The following LRRC53 variants were observed in gnomAD, a reference collection of about 807,000 sequenced individuals.
LRRC53 encodes the protein leucine-rich repeat-containing protein 53.
In LRRC53, 25 loss-of-function variants were observed where a neutral mutation model predicts 13.6. The ratio of observed to expected loss-of-function variants is 1.83; its 90% CI spans 1.34 to 2.56. LRRC53 has a LOEUF of 2.56. LRRC53 is among the 30% of genes most tolerant of loss of function. The pLI is 0.00. For missense variants in LRRC53, 527 were observed against 275.8 expected (o/e 1.91, Z -6.45); for synonymous variants, 204 against 109.8 (o/e 1.86, Z -5.37).
chr1:74,492,986 T>A (rs568051309), intron 1 of LRRC53, among the ~76,000 whole-genome samples: 1 of 152,268 alleles, frequency 6.6e-6, no homozygotes, highest in South Asian at 2.1e-4. Flanking sequence ...AGCTCTAGTG[T>A]CCCTTTATCT....
At chr1:74,526,074 A>G in the LRRC53 span, among the ~76,000 whole-genome samples, 1 of 152,230 alleles carries the variant, frequency 6.6e-6, no homozygotes, top group South Asian at 2.1e-4. Context: ...CAGTGCTTGT[A>G]ATTTTGTAAC....
intron 1 of LRRC53, among the ~76,000 whole-genome samples, chr1:74,505,806 C>G (rs1382540855): frequency 1.7e-4 from 26 of 152,170 alleles, no homozygotes; most frequent in Admixed American, 1.4e-3. Context: ...AAAATAACTC[C>G]TGAATTAACC....
At chr1:74,521,443 C>T in the LRRC53 span, among the ~76,000 whole-genome samples, 1 of 152,152 alleles carries the variant, frequency 6.6e-6, no homozygotes, top group East Asian at 1.9e-4. Context: ...AATATGTATT[C>T]TAATGCAATA....
At chr1:74,506,685 A>G (rs1255650466) in intron 1 of LRRC53, among the ~76,000 whole-genome samples, 1 of 152,240 alleles carries the variant, frequency 6.6e-6, no homozygotes, top group East Asian at 1.9e-4. Flanking sequence ...TCTGCATTTT[A>G]ACAAGATTTT....
chr1:74,476,833 A>G (rs2100236748), intron 3 of LRRC53, among the ~76,000 whole-genome samples: 1 of 152,234 alleles, frequency 6.6e-6, no homozygotes, highest in East Asian at 1.9e-4. Context: ...ATGAAAACAT[A>G]TTTTTAAAAC....
At chr1:74,500,231 A>G (rs1669539913) in intron 1 of LRRC53, among the ~76,000 whole-genome samples, 1 of 152,206 alleles carries the variant, frequency 6.6e-6, no homozygotes, top group South Asian at 2.1e-4. Flanking sequence ...ATTGTTTTAT[A>G]CAACTATGTT....
the LRRC53 span, among the ~76,000 whole-genome samples, chr1:74,533,839 A>G: frequency 1.3e-5 from 2 of 152,292 alleles, no homozygotes; most frequent in South Asian, 4.1e-4. Flanking sequence ...GCATGTTCTC[A>G]CTCATAGGTG....
intron 1 of LRRC53, among the ~76,000 whole-genome samples, chr1:74,484,131 AC>A (rs1454060057): frequency 6.6e-6 from 1 of 151,654 alleles, no homozygotes; most frequent in East Asian, 1.9e-4. Context: ...AGCTTTCTCA[AC>A]CCCCCAGTGA....
rs1276739343 is a variant in LRRC53, at chr1:74,471,971, A to G, written c.1651T>C (p.Tyr551His). The change falls in exon 5 of 5, where the codon TAT becomes CAT. Residue 551 changes from tyrosine to histidine, a missense_variant. By Grantham distance (83) the Tyr-to-His change is moderately conservative (BLOSUM62 2). Coordinates refer to ENST00000294635, the MANE Select transcript of LRRC53 (RefSeq NM_001382280.1). Reference protein sequence around the residue: ...QKIVQKNRSKYDDPCGLLKQS... With the variant: ...QKIVQKNRSKHDDPCGLLKQS... ...TTTAACAGTCCACAAGGATCATCAT[A>G]TTTTGATCTATTTTTTTGTACGATC... 2 of 622,642 alleles carry G rather than the reference A, an allele frequency of 3.2e-6. No homozygotes were observed. The highest frequency in any genetic ancestry group is 2.9e-6 in the Non-Finnish European group (1 of 345,166). The allele number at this position is 622,642 out of a possible 1,614,324, so 38.6% of individuals were successfully genotyped here. A position where few individuals can be genotyped will look rare whatever the true frequency, so the allele number is the denominator to read the frequency against.
intron 1 of LRRC53, among the ~76,000 whole-genome samples, chr1:74,483,915 T>C (rs1332755896): frequency 6.6e-6 from 1 of 152,228 alleles, no homozygotes; most frequent in Non-Finnish European, 1.5e-5. Context: ...GAGTATGATG[T>C]CAAGATTAAG....
chr1:74,471,628 TTCTG>T lies in LRRC53; in HGVS notation c.1990_1993del (p.Gln664LysfsTer7), dbSNP rs1164564695. On this transcript the variant is annotated frameshift_variant, in exon 5 of 5. Coordinates refer to ENST00000294635, the MANE Select transcript of LRRC53 (RefSeq NM_001382280.1). LOFTEE classifies it low-confidence loss of function (END_TRUNC). ...CTTAGTCAGTTGGTTACTTTGATTT[TTCTG>T]TCGTTTCCAAGGGGTTGATATTTTG... 1.0e-5 allele frequency: 4 copies of T among 400,720 alleles called. No homozygotes were observed. The highest frequency in any genetic ancestry group is 2.5e-4 in the South Asian group (2 of 7,970). 24.8% of individuals were successfully genotyped at this position (400,720 alleles called of 1,614,324 possible). A position where few individuals can be genotyped will look rare whatever the true frequency, so the allele number is the denominator to read the frequency against.
rs148088326 is a variant in LRRC53 at position 74,495,860 on chromosome 1, T to C, written c.-26-12485A>G. The stretch of plus-strand genomic sequence containing the variant: ...TCAATCTGTGAATAACTTCGACTAT[T>C]TCTCCCAAGCCTGCCTTTTCAGCTT... On this transcript the variant is annotated intron_variant, in intron 1 of 4. Transcript: ENST00000294635. Among the ~76,000 whole-genome samples the C allele has an allele frequency of 4.2e-3, 643 of 152,298 alleles. 4 individuals are homozygous for C. The highest frequency in any genetic ancestry group is 0.017 in the Middle Eastern group (5 of 294).
rs143201143 is a variant in LRRC53, at chr1:74,493,822, G to A, written c.-26-10447C>T. The stretch of plus-strand genomic sequence containing the variant: ...ATTTACATGCACATTTAAAGCCTTT[G>A]CTCAAGTTGTATCCTCTGACAACAT... On this transcript the variant is annotated intron_variant, in intron 1 of 4. Transcript: ENST00000294635. 2.6e-5 allele frequency among the ~76,000 whole-genome samples: 4 copies of A among 152,274 alleles called. No individual in the cohort carries two copies. The East Asian group carries it at 5.8e-4, about 22-fold the overall frequency.
the LRRC53 span, among the ~76,000 whole-genome samples, chr1:74,530,181 C>T: frequency 6.6e-6 from 1 of 152,198 alleles, no homozygotes; most frequent in African/African-American, 2.4e-5. Flanking sequence ...ATATCCATCA[C>T]ACTCATGTCT....
chr1:74,470,971 C>G lies in LRRC53; in HGVS notation c.2651G>C (p.Gly884Ala). 1 of 400,660 alleles carries G rather than the reference C, an allele frequency of 2.5e-6. No homozygotes were observed. 24.8% of individuals were successfully genotyped at this position (400,660 alleles called of 1,614,324 possible). ...SYLATTWENT[G>A]SDVLPFQHSR... Reference sequence around the variant, plus strand: ...ATGTTGGAATGGTAAAACATCACTTCCTGTATTTTCCCAAGTAGTTGCTAA... The same window carrying G: ...ATGTTGGAATGGTAAAACATCACTTGCTGTATTTTCCCAAGTAGTTGCTAA... The change falls in exon 5 of 5, where the codon GGA becomes GCA. Residue 884 changes from glycine to alanine, a missense_variant. Physicochemically the swap from Gly to Ala is moderately conservative, Grantham distance 60. Coordinates refer to ENST00000294635, the MANE Select transcript of LRRC53 (RefSeq NM_001382280.1).
chr1:74,503,707 GCTAGAAT>G (rs1427005518), intron 1 of LRRC53, among the ~76,000 whole-genome samples: 7 of 152,186 alleles, frequency 4.6e-5, no homozygotes, highest in African/African-American at 1.7e-4. Flanking sequence ...AAGGAGAGAA[GCTAGAAT>G]CTAAGCAAGT....
At chr1:74,517,996 C>T in the LRRC53 span, among the ~76,000 whole-genome samples, 1 of 152,134 alleles carries the variant, frequency 6.6e-6, no homozygotes, top group African/African-American at 2.4e-5. Context: ...GGTCAGCATA[C>T]GGTGGGAAGT....
At chr1:74,514,827 T>C (rs1024995314), upstream of LRRC53, among the ~76,000 whole-genome samples, 12 of 152,176 alleles carry the variant, frequency 7.9e-5, no homozygotes, top group South Asian at 6.2e-4. Flanking sequence ...TCTCAGACCC[T>C]GGTACCTCAA....
At chr1:74,477,620 G>A (rs1256871025) in intron 3 of LRRC53, among the ~76,000 whole-genome samples, 2 of 152,186 alleles carry the variant, frequency 1.3e-5, no homozygotes, top group Admixed American at 6.5e-5. Context: ...TTTGATTATA[G>A]GATACAGTTT....
Sources: gnomAD v4.1 joint callset for allele counts (sites outside exome capture counted in the v4.1 genomes callset) on GRCh38, gnomAD v4.1.1 for gene constraint, MANE v1.5 for transcripts, NCBI Gene and HGNC (gene_info 2026-07-23, HGNC 2026-07-21) for gene names.